The following MYH9 variants were observed in gnomAD, a reference collection of about 807,000 sequenced individuals.
MYH9 encodes myosin-9.
A neutral mutation model predicts 241.9 loss-of-function variants in MYH9; 29 were observed. The ratio of observed to expected loss-of-function variants is 0.12; its 90% CI spans 0.09 to 0.16. The LOEUF is 0.16. Among genes scored for constraint, MYH9 ranks in the 10% least tolerant of loss-of-function variants. The pLI, the probability that MYH9 is intolerant of heterozygous loss-of-function variation, is 1.00. For synonymous variants in MYH9, 1,047 were observed against 1,062.6 expected, an observed-to-expected ratio of 0.99 and a Z score of 0.29; for missense variants, 1,803 against 2,595.5, an observed-to-expected ratio of 0.69 and a Z score of 6.63.
At chr22:36,319,453 C>T (rs959639919) in intron 10 of MYH9, 87 bp downstream of exon 10, 15 of 1,253,024 alleles carry the variant, frequency 1.2e-5, no homozygotes, top group African/African-American at 3.0e-5. Flanking sequence ...GAATAGTGTC[C>T]GGAATTTCCG....
At position 36,305,482 on chromosome 22, in the gene MYH9, T is replaced by TA. The variant is rs1410280388; in HGVS notation, c.2160-381dup. ...TAATAAACAGAGATGGCCCAAGAAA[T>TA]AAAGGGCTGCGTCCCGACAGCAACT... On this transcript the variant is annotated intron_variant, in intron 17 of 40. Coordinates refer to ENST00000216181, the MANE Select transcript of MYH9 (RefSeq NM_002473.6). The surrounding 1 kb of genome is among the most constrained non-coding windows in gnomAD (Gnocchi z 4.7). Among the ~76,000 whole-genome samples, 4 of 151,962 alleles carry TA rather than the reference T, an allele frequency of 2.6e-5. No individual in the cohort carries two copies. Among genetic ancestry groups the TA allele is most frequent in the African/African-American group, 9.7e-5 (4 of 41,358 alleles).
chr22:36,353,383 C>T (rs1269772831), intron 1 of MYH9, among the ~76,000 whole-genome samples: 3 of 151,836 alleles, frequency 2.0e-5, no homozygotes, highest in Non-Finnish European at 2.9e-5. Flanking sequence ...TTTTTTGAGA[C>T]AGAGACTCAC....
chr22:36,330,131 G>A lies in MYH9; in HGVS notation c.491-2643C>T, dbSNP rs555145054. ...GTGTCTCCTCTCCATCCACCCGAGC[G>A]TCCCTAGCTCTCCCACTTCTCCAGC... On this transcript the variant is annotated intron_variant, in intron 3 of 40. Coordinates refer to ENST00000216181, the MANE Select transcript of MYH9 (RefSeq NM_002473.6). The surrounding 1 kb of genome is among the most constrained non-coding windows in gnomAD (Gnocchi z 4.5). Among the ~76,000 whole-genome samples the A allele has an allele frequency of 5.6e-4, 85 of 152,282 alleles. No individual in the cohort carries two copies. The highest frequency in any genetic ancestry group is 2.0e-3 in the African/African-American group (83 of 41,542).
In MYH9 at chr22:36,329,437, G is replaced by A. The variant is rs147487275; in HGVS notation, c.491-1949C>T. 8.3e-4 allele frequency among the ~76,000 whole-genome samples: 126 copies of A among 152,182 alleles called. No homozygotes were observed. Among genetic ancestry groups the A allele is most frequent in the African/African-American group, 2.7e-3 (113 of 41,532 alleles). ...GGCCCCTAACGACAGTGTGGCAACC[G>A]ATAAGGGTTTGGAACAAACATTTTT... On this transcript the variant is annotated intron_variant, in intron 3 of 40. Transcript: ENST00000216181. This position sits in a 1 kb window ranked among gnomAD's most constrained non-coding sequence, Gnocchi z 4.1.
intron 11 of MYH9, 57 bp from the exon 12 acceptor site, chr22:36,316,726 T>C: frequency 6.2e-7 from 1 of 1,604,804 alleles, no homozygotes; most frequent in Non-Finnish European, 8.5e-7. Context: ...AAAACCCTCA[T>C]ACCCTATGCC....
intron 3 of MYH9, among the ~76,000 whole-genome samples, chr22:36,332,459 C>T (rs2017436785): frequency 6.6e-6 from 1 of 152,046 alleles, no homozygotes; most frequent in African/African-American, 2.4e-5. Context: ...GCCCTCCAGG[C>T]CACCACGGTA....
At chr22:36,283,767 A>T (rs562394269) in intron 40 of MYH9, among the ~76,000 whole-genome samples, 2 of 152,334 alleles carry the variant, frequency 1.3e-5, no homozygotes, top group African/African-American at 4.8e-5. Context: ...CTCTGTAGGC[A>T]TTGCTCATGA....
intron 34 of MYH9, among the ~76,000 whole-genome samples, chr22:36,287,397 C>T (rs941459235): frequency 6.6e-6 from 1 of 152,162 alleles, no homozygotes; most frequent in Admixed American, 6.5e-5. Context: ...ATGCCCACAA[C>T]CTTGACCACA....
At chr22:36,376,150 G>A (rs1034451038) in intron 1 of MYH9, among the ~76,000 whole-genome samples, 2 of 151,742 alleles carry the variant, frequency 1.3e-5, no homozygotes, top group Non-Finnish European at 2.9e-5. Context: ...TAGTAGAGAC[G>A]TGGTTTCACT....
chr22:36,298,413 T>C (rs2016821837), intron 24 of MYH9, among the ~76,000 whole-genome samples: 1 of 152,176 alleles, frequency 6.6e-6, no homozygotes, highest in South Asian at 2.1e-4. Flanking sequence ...ACTTCCGCAG[T>C]ATTCGTCTAG....
chr22:36,322,519 G>T lies in MYH9; in HGVS notation c.615C>A (p.Gly205=). ...ASSHKSKKDQ[G]ELERQLLQAN... ...CCTGCAGCAGCTGCCGCTCCAGCTC[G>T]CCCTGCAAGGAACCCAGGGACGCAG... The change falls in exon 6 of 41, where the codon GGC becomes GGA. Residue 205 remains glycine (G), a splice_region_variant and synonymous_variant. Transcript: ENST00000216181. 6.2e-7 allele frequency: 1 copy of T among 1,613,594 alleles called. No homozygotes were observed. Among genetic ancestry groups the T allele is most frequent in the Non-Finnish European group, 8.5e-7 (1 of 1,179,936 alleles).
At chr22:36,367,521 T>A (rs1053629589) in intron 1 of MYH9, among the ~76,000 whole-genome samples, 1 of 152,186 alleles carries the variant, frequency 6.6e-6, no homozygotes, top group Non-Finnish European at 1.5e-5. Context: ...CAAGTGAGGA[T>A]GAAATCCACT....
At chr22:36,304,444 G>A (rs1482528123) in intron 18 of MYH9, among the ~76,000 whole-genome samples, 1 of 152,210 alleles carries the variant, frequency 6.6e-6, no homozygotes, top group Non-Finnish European at 1.5e-5. Context: ...AGAACGTGAA[G>A]TAAAACAAGG....
At chr22:36,301,156 G>C in intron 21 of MYH9, 99 bp from the exon 22 acceptor site, 3 of 1,172,590 alleles carry the variant, frequency 2.6e-6, no homozygotes, top group Non-Finnish European at 3.8e-6. Flanking sequence ...AGAGGGAAAG[G>C]AACATGCAGA....
chr22:36,298,026 C>T (rs945888027), intron 24 of MYH9, among the ~76,000 whole-genome samples: 2 of 152,152 alleles, frequency 1.3e-5, no homozygotes, highest in Non-Finnish European at 2.9e-5. Flanking sequence ...CCAAGTCTTC[C>T]GGGCTCCTCC....
chr22:36,364,216 C>CA (rs1569536946), intron 1 of MYH9, among the ~76,000 whole-genome samples: 4 of 152,074 alleles, frequency 2.6e-5, no homozygotes, highest in Admixed American at 2.0e-4. Flanking sequence ...TTAAATCACA[C>CA]AAAAAAAGCG....
chr22:36,343,907 T>C (rs1428378960), intron 2 of MYH9, among the ~76,000 whole-genome samples: 1 of 152,144 alleles, frequency 6.6e-6, no homozygotes, highest in East Asian at 1.9e-4. Context: ...ACCCACACTC[T>C]AGGAAATCCA....
chr22:36,367,083 T>G (rs759839140), intron 1 of MYH9, among the ~76,000 whole-genome samples: 1 of 152,152 alleles, frequency 6.6e-6, no homozygotes, highest in Non-Finnish European at 1.5e-5. Flanking sequence ...TCCATGGACT[T>G]TTAGGAGTCC....
rs748324041 is a variant in MYH9, at chr22:36,322,429, G to A, written c.705C>T (p.Phe235=). 9.3e-6 allele frequency: 15 copies of A among 1,613,754 alleles called. No individual in the cohort carries two copies. Among genetic ancestry groups the A allele is most frequent in the African/African-American group, 4.0e-5 (3 of 74,948 alleles). Residue 235 remains phenylalanine (F), a splice_region_variant and synonymous_variant, in exon 6 of 41, where the codon TTC becomes TTT. Transcript: ENST00000216181. ...GCCGGGGCGCCGCCGCGCTACTCACGAAGCGGGAGGAGTTGTCATTCTTCA... is the reference window on the plus strand; with the variant it reads ...GCCGGGGCGCCGCCGCGCTACTCACAAAGCGGGAGGAGTTGTCATTCTTCA... ...KTVKNDNSSR[F]GKFIRINFDV...
Sources: gnomAD v4.1 joint callset for allele counts (sites outside exome capture counted in the v4.1 genomes callset) on GRCh38, gnomAD v4.1.1 for gene constraint, Gnocchi (gnomAD v3.1) non-coding constraint, MANE v1.5 for transcripts, NCBI Gene and HGNC (gene_info 2026-07-23, HGNC 2026-07-21) for gene names.